Variants in AK5 observed in about 807,000 individuals in gnomAD.
AK5 encodes adenylate kinase 5, also known as adenylate kinase isoenzyme 5.
A neutral mutation model predicts 69.5 loss-of-function variants in AK5; 27 were observed. The observed-to-expected ratio is 0.39, with a 90% CI of 0.29 to 0.54. The LOEUF (loss-of-function observed/expected upper bound fraction) is 0.54, where lower values mean the gene tolerates loss of function less well. Ranked by LOEUF, AK5 falls within the 20% of genes least tolerant of loss-of-function variation. The pLI is 0.71. For missense variants in AK5, 531 were observed against 700.4 expected, an observed-to-expected ratio of 0.76 and a Z score of 2.73; for synonymous variants, 260 against 244.4, an observed-to-expected ratio of 1.06 and a Z score of -0.60.
At chr1:77,404,085 T>C (rs570579076) in intron 6 of AK5, among the ~76,000 whole-genome samples, 1 of 152,356 alleles carries the variant, frequency 6.6e-6, no homozygotes, top group Admixed American at 6.5e-5. Context: ...TCACTCATGA[T>C]TTGGCTCTCT....
intron 8 of AK5, among the ~76,000 whole-genome samples, chr1:77,465,667 G>A (rs1654097132): frequency 6.6e-6 from 1 of 152,112 alleles, no homozygotes; most frequent in African/African-American, 2.4e-5. Context: ...TGGTGGAGTG[G>A]AGCCTGTATC....
chr1:77,452,612 A>G (rs1653226493), intron 8 of AK5, among the ~76,000 whole-genome samples: 1 of 152,224 alleles, frequency 6.6e-6, no homozygotes, highest in African/African-American at 2.4e-5. Context: ...CGGCCAGGCT[A>G]GATTAAACGG....
At chr1:77,448,969 G>A (rs1652948135) in intron 8 of AK5, among the ~76,000 whole-genome samples, 1 of 152,208 alleles carries the variant, frequency 6.6e-6, no homozygotes, top group Admixed American at 6.5e-5. Flanking sequence ...GAGGATATAT[G>A]GAAATGCCTG....
chr1:77,361,989 T>G (rs1357426237), intron 6 of AK5, among the ~76,000 whole-genome samples: 2 of 152,168 alleles, frequency 1.3e-5, no homozygotes, highest in Non-Finnish European at 2.9e-5. Flanking sequence ...TTACCATGAC[T>G]GTGCCCCAGA....
chr1:77,487,503 TAATGAAAAGGTCCACACCTCCTC>T (rs1428942854), intron 10 of AK5, among the ~76,000 whole-genome samples: 11 of 152,190 alleles, frequency 7.2e-5, no homozygotes, highest in South Asian at 4.1e-4. Context: ...TATTCAGAAA[TAATGAAAAGGTCCACACCTCCTC>T]AATGAGTGGG....
intron 13 of AK5, among the ~76,000 whole-genome samples, chr1:77,547,473 CA>C (rs1381272473): frequency 6.6e-6 from 1 of 151,914 alleles, no homozygotes; most frequent in African/African-American, 2.4e-5. Context: ...GGGGTTTCGC[CA>C]TGTTGGCCAT....
intron 6 of AK5, among the ~76,000 whole-genome samples, chr1:77,397,511 T>A (rs1648911445): frequency 6.6e-6 from 1 of 152,166 alleles, no homozygotes; most frequent in South Asian, 2.1e-4. Context: ...TACTTTACTA[T>A]CCAGAATGAT....
chr1:77,414,737 C>T (rs1022540360), intron 7 of AK5, among the ~76,000 whole-genome samples: 3 of 152,070 alleles, frequency 2.0e-5, no homozygotes, highest in African/African-American at 7.2e-5. Context: ...ATCACTTTTT[C>T]GTAACATCCT....
intron 8 of AK5, among the ~76,000 whole-genome samples, chr1:77,438,294 C>CAAAAAAAAAAAAAAAAAAAAAAAAAAAA: frequency 1.9e-5 from 1 of 52,780 alleles, no homozygotes; most frequent in Non-Finnish European, 3.9e-5. Flanking sequence ...ATATTTGGTA[C>CAAAAAAAAAAAAAAAAAAAAAAAAAAAA]AAAAAAAAAA....
intron 8 of AK5, among the ~76,000 whole-genome samples, chr1:77,469,847 G>C (rs1051765029): frequency 2.6e-5 from 4 of 152,336 alleles, no homozygotes; most frequent in Admixed American, 6.5e-5. Flanking sequence ...CAAGTAACAA[G>C]ACTGGCACAG....
At chr1:77,451,129 T>G (rs1447531852) in intron 8 of AK5, among the ~76,000 whole-genome samples, 1 of 152,032 alleles carries the variant, frequency 6.6e-6, no homozygotes, top group East Asian at 1.9e-4. Flanking sequence ...TGAGCCATGA[T>G]TCTACCACTG....
chr1:77,394,525 T>C (rs1010661761), intron 6 of AK5, among the ~76,000 whole-genome samples: 1 of 152,198 alleles, frequency 6.6e-6, no homozygotes, highest in African/African-American at 2.4e-5. Context: ...TTTGCATTAA[T>C]GTTAGGGTTA....
At chr1:77,355,413 G>T (rs1662459194) in intron 6 of AK5, among the ~76,000 whole-genome samples, 1 of 152,176 alleles carries the variant, frequency 6.6e-6, no homozygotes, top group Non-Finnish European at 1.5e-5. Context: ...CTTTAAAATT[G>T]TAAGAGAAGA....
At chr1:77,456,972 T>G (rs1557606386) in intron 8 of AK5, among the ~76,000 whole-genome samples, 1 of 152,184 alleles carries the variant, frequency 6.6e-6, no homozygotes, top group Non-Finnish European at 1.5e-5. Flanking sequence ...AGTCTTCCAT[T>G]GCAAATGGCT....
At chr1:77,377,567 C>T (rs1647331494) in intron 6 of AK5, among the ~76,000 whole-genome samples, 1 of 152,204 alleles carries the variant, frequency 6.6e-6, no homozygotes, top group African/African-American at 2.4e-5. Flanking sequence ...CTAGTCCTTT[C>T]CAACCAATAT....
intron 6 of AK5, among the ~76,000 whole-genome samples, chr1:77,403,915 C>A (rs960493941): frequency 6.6e-6 from 1 of 152,114 alleles, no homozygotes; most frequent in Admixed American, 6.5e-5. Context: ...GATATTGATT[C>A]TTCCTACCCA....
intron 6 of AK5, among the ~76,000 whole-genome samples, chr1:77,376,441 AAAAAAAAAAC>A (rs1435257983): frequency 5.0e-5 from 6 of 120,358 alleles, no homozygotes; most frequent in Non-Finnish European, 8.9e-5. Flanking sequence ...GCCAAAAAAA[AAAAAAAAAAC>A]AAAAAAAAAA....
Position 77,470,852 on chromosome 1 carries a change from TATATATATATA to T in AK5, c.1060-12464_1060-12454del, listed in dbSNP as rs1654436190. Among the ~76,000 whole-genome samples, 139 of 32,444 alleles carry T rather than the reference TATATATATATA, an allele frequency of 4.3e-3. 38 individuals are homozygous for T. Among genetic ancestry groups the T allele is most frequent in the Non-Finnish European group, 4.9e-3 (99 of 20,146 alleles). 21.3% of individuals were successfully genotyped at this position (32,444 alleles called of 152,430 possible). A position where few individuals can be genotyped will look rare whatever the true frequency, so the allele number is the denominator to read the frequency against. On this transcript the variant is annotated intron_variant, in intron 8 of 13. Transcript: ENST00000354567. ...ATATATATATATATATATATATATATATATATATATATATATATATATATTTTTTTTTTTTT... is the reference window on the plus strand; with the variant it reads ...ATATATATATATATATATATATATATTATATATATATATTTTTTTTTTTTT...
rs1366878707 is a variant in AK5 at position 77,558,768 on chromosome 1, C to T, written c.*98C>T. 1.1e-5 allele frequency: 9 copies of T among 829,826 alleles called. No homozygotes were observed. The African/African-American group carries it at 1.3e-4, about 12-fold the overall frequency. The allele number at this position is 829,826 out of a possible 1,614,324, so 51.4% of individuals were successfully genotyped here. ...AAGTTAAACCTTTTGTGTCACCGCCCCCACCAACCACCACCTCCTAAATCC... is the reference window on the plus strand; with the variant it reads ...AAGTTAAACCTTTTGTGTCACCGCCTCCACCAACCACCACCTCCTAAATCC... On this transcript the variant is annotated 3_prime_UTR_variant, in exon 14 of 14. Coordinates refer to ENST00000354567, the MANE Select transcript of AK5 (RefSeq NM_174858.3).
Sources: gnomAD v4.1 joint callset for allele counts (sites outside exome capture counted in the v4.1 genomes callset) on GRCh38, gnomAD v4.1.1 for gene constraint, MANE v1.5 for transcripts, NCBI Gene and HGNC (gene_info 2026-07-23, HGNC 2026-07-21) for gene names.